The following MASP1 variants were observed in gnomAD, a reference collection of about 807,000 sequenced individuals.
The protein encoded by MASP1 is MBL associated serine protease 1.
In MASP1, 59 loss-of-function variants were observed where a neutral mutation model predicts 77.1. That is an observed-to-expected ratio of 0.77 (90% CI 0.62 to 0.95). The LOEUF (loss-of-function observed/expected upper bound fraction) is 0.95. Among genes scored for constraint, MASP1 ranks in the 40% least tolerant of loss-of-function variants. MASP1 has a pLI of 0.00. For synonymous variants in MASP1, 362 were observed against 354.5 expected, an observed-to-expected ratio of 1.02 and a Z score of -0.24; for missense variants, 885 against 912.9, an observed-to-expected ratio of 0.97 and a Z score of 0.39.
intron 2 of MASP1, among the ~76,000 whole-genome samples, chr3:187,265,982 G>C (rs1715987171): frequency 6.6e-6 from 1 of 152,164 alleles, no homozygotes; most frequent in Non-Finnish European, 1.5e-5. Flanking sequence ...GTTCTATAAA[G>C]ATCATTTACC....
intron 8 of MASP1, chr3:187,244,619 A>T (rs1579500619): frequency 6.6e-6 from 1 of 152,328 alleles, no homozygotes; most frequent in African/African-American, 2.4e-5. Context: ...CAGAGAGGAG[A>T]CTTGACTCGT....
At chr3:187,239,162 G>T (rs1713418304) in intron 10 of MASP1, among the ~76,000 whole-genome samples, 1 of 145,518 alleles carries the variant, frequency 6.9e-6, no homozygotes, top group Non-Finnish European at 1.5e-5. Flanking sequence ...GACCAACATA[G>T]AGAAACCCCG....
At chr3:187,230,793 G>A (rs1257124994), downstream of MASP1, among the ~76,000 whole-genome samples, 1 of 152,170 alleles carries the variant, frequency 6.6e-6, no homozygotes, top group East Asian at 1.9e-4. Flanking sequence ...CTTCCAAAAG[G>A]TATTCCATGA....
chr3:187,286,586 G>A (rs1521600), intron 1 of MASP1, among the ~76,000 whole-genome samples: 154 of 152,164 alleles, frequency 1.0e-3, no homozygotes, highest in African/African-American at 3.4e-3. Flanking sequence ...TCTTCCTCTT[G>A]GTAAAAGGAT....
rs1717284163 is a variant in MASP1 at position 187,280,018 on chromosome 3, G to T, written c.237+5807C>A. Among the ~76,000 whole-genome samples, 5 of 152,298 alleles carry T rather than the reference G, an allele frequency of 3.3e-5. No individual in the cohort carries two copies. In the South Asian group the frequency reaches 1.0e-3, roughly 32 times the overall value. On this transcript the variant is annotated intron_variant, in intron 2 of 10. Coordinates refer to ENST00000296280, the MANE Select transcript of MASP1 (RefSeq NM_139125.4). ...TTGGCATAGTGTCCAGCTTATGGTA[G>T]ATTTTCAATAGGATTACTGTGCTTC...
rs757229915 is a variant in MASP1, at chr3:187,235,620, T to C, written c.*64A>G. 9 of 1,606,338 alleles carry C rather than the reference T, an allele frequency of 5.6e-6. No individual in the cohort carries two copies. The Middle Eastern group carries it at 1.4e-3, about 247-fold the overall frequency. On this transcript the variant is annotated 3_prime_UTR_variant, in exon 11 of 11. Coordinates refer to ENST00000296280, the MANE Select transcript of MASP1 (RefSeq NM_139125.4). ...ATATGGTCTGATAAGTAATGTGGAG[T>C]GTGCTGTCGGAAGTGCGGTGTAGCT...
exon 15 of MASP1, chr3:187,221,092 A>T (rs750786889): frequency 5.6e-6 from 9 of 1,614,018 alleles, no homozygotes; most frequent in Non-Finnish European, 5.1e-6. Context: ...AGCGGGGCAT[A>T]AGCCTTCTGG....
intron 2 of MASP1, among the ~76,000 whole-genome samples, chr3:187,274,972 G>A (rs1287809551): frequency 6.6e-6 from 1 of 151,990 alleles, no homozygotes; most frequent in Non-Finnish European, 1.5e-5. Context: ...TTGGGGGGTG[G>A]GGTGGGAGGG....
downstream of MASP1, among the ~76,000 whole-genome samples, chr3:187,231,540 G>A (rs950377118): frequency 3.3e-5 from 5 of 152,240 alleles, no homozygotes; most frequent in Non-Finnish European, 7.3e-5. Flanking sequence ...TCTACAAATA[G>A]ATGGAAATAA....
At chr3:187,260,904 C>T (rs1439153837) in intron 3 of MASP1, 32 bp from the exon 4 acceptor site, 10 of 1,613,602 alleles carry the variant, frequency 6.2e-6, no homozygotes, top group Non-Finnish European at 8.5e-6. Flanking sequence ...TCCATCAATA[C>T]ATGCATGATG....
chr3:187,270,807 A>G (rs2108581576), intron 2 of MASP1, among the ~76,000 whole-genome samples: 1 of 152,336 alleles, frequency 6.6e-6, no homozygotes, highest in South Asian at 2.1e-4. Context: ...GTCTAGACCA[A>G]TTCACTGGCA....
intron 8 of MASP1, chr3:187,244,806 G>C (rs1420685861): frequency 6.6e-6 from 1 of 152,170 alleles, no homozygotes; most frequent in Non-Finnish European, 1.5e-5. Context: ...CAGAGCCCTG[G>C]TAAAATTTCC....
At chr3:187,276,066 A>C (rs1560031718) in intron 2 of MASP1, among the ~76,000 whole-genome samples, 2 of 150,644 alleles carry the variant, frequency 1.3e-5, no homozygotes, top group African/African-American at 2.5e-5. Flanking sequence ...GGCACTTTCC[A>C]CCTGAGGGCA....
chr3:187,221,668 C>G (rs1000147994), intron 14 of MASP1, among the ~76,000 whole-genome samples: 3 of 152,192 alleles, frequency 2.0e-5, no homozygotes, highest in Non-Finnish European at 2.9e-5. Flanking sequence ...TAAATATTAG[C>G]TACTGTGGAG....
chr3:187,273,268 G>C (rs1369032292), intron 2 of MASP1, among the ~76,000 whole-genome samples: 3 of 152,204 alleles, frequency 2.0e-5, no homozygotes, highest in Non-Finnish European at 4.4e-5. Flanking sequence ...GGCACCTAGA[G>C]AGACCTCCCA....
intron 10 of MASP1, among the ~76,000 whole-genome samples, chr3:187,238,868 G>C (rs1454184957): frequency 6.6e-6 from 1 of 152,138 alleles, no homozygotes; most frequent in Admixed American, 6.5e-5. Flanking sequence ...AGATGAGATG[G>C]CCTTCTCCAT....
At chr3:187,246,880 G>A in intron 8 of MASP1, 5 of 1,023,140 alleles carry the variant, frequency 4.9e-6, no homozygotes, top group Non-Finnish European at 5.9e-6. Context: ...GGTTAAGAAA[G>A]CAGCAACAGG....
Position 187,235,538 on chromosome 3 carries a change from G to A in MASP1, c.*146C>T. The A allele has an allele frequency of 6.5e-7, 1 of 1,538,506 alleles. No individual in the cohort carries two copies. The highest frequency in any genetic ancestry group is 8.7e-7 in the Non-Finnish European group (1 of 1,149,604). On this transcript the variant is annotated 3_prime_UTR_variant, in exon 11 of 11. Transcript: ENST00000296280. ...CCCTATACCACACTCTGCCTCTCAG[G>A]GTCCTGGGGGCTGTCTCGGTAGGAG...
intron 12 of MASP1, chr3:187,226,105 A>G (rs1242424145): frequency 2.4e-6 from 1 of 423,790 alleles, no homozygotes; most frequent in South Asian, 2.1e-5. Context: ...TGGATCGTAT[A>G]TGTATGATCT....
Sources: gnomAD v4.1 joint callset for allele counts (sites outside exome capture counted in the v4.1 genomes callset) on GRCh38, gnomAD v4.1.1 for gene constraint, MANE v1.5 for transcripts, NCBI Gene and HGNC (gene_info 2026-07-23, HGNC 2026-07-21) for gene names.